KLF12: variants seen among roughly 807,000 people sequenced by gnomAD.
KLF12 encodes KLF transcription factor 12.
Under a neutral mutation model 37.8 loss-of-function variants are expected in KLF12, and 9 were observed. That is an observed-to-expected ratio of 0.24 (90% CI 0.14 to 0.42). The LOEUF is 0.42. Ranked by LOEUF, KLF12 falls within the 10% of genes least tolerant of loss-of-function variation. The pLI is 1.00. For missense variants in KLF12, 411 were observed against 516.0 expected (o/e 0.80, Z 1.97); for synonymous variants, 208 against 202.1 (o/e 1.03, Z -0.25).
chr13:73,990,974 G>A (rs1384233622), intron 2 of KLF12, among the ~76,000 whole-genome samples: 1 of 152,086 alleles, frequency 6.6e-6, no homozygotes, highest in Non-Finnish European at 1.5e-5. Flanking sequence ...GGCTTTGCAT[G>A]CTTTAATGGT....
chr13:74,208,380 T>A, the KLF12 span, among the ~76,000 whole-genome samples: 12 of 152,220 alleles, frequency 7.9e-5, no homozygotes, highest in Admixed American at 7.2e-4. Flanking sequence ...TTGTGGCCAA[T>A]CTATCACTAA....
chr13:73,953,970 CTTTTTTTTTT>C (rs67945624), intron 2 of KLF12, among the ~76,000 whole-genome samples: 4 of 88,532 alleles, frequency 4.5e-5, no homozygotes, highest in African/African-American at 8.8e-5. Context: ...TTTTTTCTTT[CTTTTTTTTTT>C]TTTTTTTTTT....
At chr13:73,783,237 C>T (rs9318217) in intron 5 of KLF12, among the ~76,000 whole-genome samples, 44,388 of 151,850 alleles carry the variant, frequency 0.29, 7,165 homozygotes, top group Middle Eastern at 0.4. Flanking sequence ...GAAAGACAAA[C>T]ATCACATGTT....
At chr13:73,916,732 A>G (rs1888867521) in intron 3 of KLF12, among the ~76,000 whole-genome samples, 1 of 152,180 alleles carries the variant, frequency 6.6e-6, no homozygotes, top group Non-Finnish European at 1.5e-5. Flanking sequence ...GGTTTGATGT[A>G]TGGAGTGAGA....
At chr13:74,094,346 T>C (rs933471019) in intron 1 of KLF12, among the ~76,000 whole-genome samples, 3 of 152,154 alleles carry the variant, frequency 2.0e-5, no homozygotes, top group Admixed American at 1.3e-4. Flanking sequence ...TATATGAATA[T>C]GCATTTGTGG....
the KLF12 span, among the ~76,000 whole-genome samples, chr13:74,254,561 C>A: frequency 1.3e-5 from 2 of 152,142 alleles, no homozygotes; most frequent in Admixed American, 6.5e-5. Context: ...GTTTTGAACT[C>A]ATTTCTAACT....
intron 5 of KLF12, among the ~76,000 whole-genome samples, chr13:73,786,040 G>A (rs1000362598): frequency 1.3e-5 from 2 of 152,144 alleles, no homozygotes; most frequent in African/African-American, 4.8e-5. Flanking sequence ...AAGCAAGACA[G>A]AGGTGAGCAG....
rs867057819 is a variant in KLF12 at position 73,907,464 on chromosome 13, T to C, written c.123+36517A>G. Reference sequence around the variant, plus strand: ...CCCAGCTCAGACCCACTTTCCTTCATGTAACTTTCCTAATTCCAACATTTA... The same window carrying C: ...CCCAGCTCAGACCCACTTTCCTTCACGTAACTTTCCTAATTCCAACATTTA... On this transcript the variant is annotated intron_variant, in intron 3 of 7. Transcript: ENST00000377669. Among the ~76,000 whole-genome samples, 42 of 152,212 alleles carry C rather than the reference T, an allele frequency of 2.8e-4. 1 individual carries two copies. The highest frequency in any genetic ancestry group is 9.4e-4 in the African/African-American group (39 of 41,452).
chr13:73,910,463 CA>C (rs1888513997), intron 3 of KLF12, among the ~76,000 whole-genome samples: 1 of 152,036 alleles, frequency 6.6e-6, no homozygotes, highest in African/African-American at 2.4e-5. Flanking sequence ...TTTATTAAAG[CA>C]ACTTGAATCT....
At chr13:73,788,663 A>G (rs1012448164) in intron 5 of KLF12, among the ~76,000 whole-genome samples, 1 of 151,394 alleles carries the variant, frequency 6.6e-6, no homozygotes, top group African/African-American at 2.4e-5. Context: ...ATTTTTAAAG[A>G]TTTTTGTTCC....
chr13:73,811,720 T>C (rs1043969190), intron 5 of KLF12, among the ~76,000 whole-genome samples: 3 of 152,174 alleles, frequency 2.0e-5, no homozygotes, highest in African/African-American at 7.2e-5. Flanking sequence ...ATTAAGAGCT[T>C]GCATGGAAAT....
chr13:74,064,174 T>C (rs1442579922), intron 1 of KLF12, among the ~76,000 whole-genome samples: 1 of 152,176 alleles, frequency 6.6e-6, no homozygotes. Context: ...ACCACTGCCA[T>C]CTTGCAATGG....
chr13:73,707,944 G>C (rs146250676), intron 7 of KLF12, among the ~76,000 whole-genome samples: 2 of 152,140 alleles, frequency 1.3e-5, no homozygotes, highest in Non-Finnish European at 2.9e-5. Context: ...GTGGAGGGGC[G>C]TGTGTACATA....
chr13:74,219,825 T>C, the KLF12 span, among the ~76,000 whole-genome samples: 3 of 152,220 alleles, frequency 2.0e-5, no homozygotes, highest in Admixed American at 6.5e-5. Flanking sequence ...TTGAAGGTAA[T>C]CTGTTTTTCT....
intron 1 of KLF12, among the ~76,000 whole-genome samples, chr13:74,061,220 G>A (rs1444334942): frequency 6.6e-6 from 1 of 152,104 alleles, no homozygotes; most frequent in East Asian, 1.9e-4. Context: ...TATCAATAAG[G>A]TCATCTTATA....
the KLF12 span, among the ~76,000 whole-genome samples, chr13:74,249,367 C>CAG: frequency 7.1e-6 from 1 of 140,684 alleles, no homozygotes; most frequent in African/African-American, 2.6e-5. Flanking sequence ...CACACACACA[C>CAG]ACACACACAC....
intron 1 of KLF12, among the ~76,000 whole-genome samples, chr13:74,038,425 C>A (rs989799379): frequency 2.0e-5 from 3 of 152,154 alleles, no homozygotes; most frequent in African/African-American, 7.2e-5. Flanking sequence ...ATGATATGAT[C>A]TTTGATCTGG....
At chr13:74,178,208 C>G in the KLF12 span, among the ~76,000 whole-genome samples, 24 of 152,226 alleles carry the variant, frequency 1.6e-4, 1 homozygote, top group Admixed American at 3.9e-4. Context: ...AAAGGATGTA[C>G]GCTGACTGAT....
At chr13:73,913,729 T>C (rs1365124890) in intron 3 of KLF12, among the ~76,000 whole-genome samples, 1 of 152,188 alleles carries the variant, frequency 6.6e-6, no homozygotes, top group Non-Finnish European at 1.5e-5. Flanking sequence ...AATAAAAAGA[T>C]TTTTATTTTT....
Sources: gnomAD v4.1 joint callset for allele counts (sites outside exome capture counted in the v4.1 genomes callset) on GRCh38, gnomAD v4.1.1 for gene constraint, MANE v1.5 for transcripts, NCBI Gene and HGNC (gene_info 2026-07-23, HGNC 2026-07-21) for gene names.